The following SGCZ variants were observed in gnomAD, a reference collection of about 807,000 sequenced individuals.
The protein encoded by SGCZ is zeta-sarcoglycan.
A neutral mutation model predicts 41.3 loss-of-function variants in SGCZ; 40 were observed. The ratio of observed to expected loss-of-function variants is 0.97; its 90% CI spans 0.75 to 1.26. The LOEUF (loss-of-function observed/expected upper bound fraction) is 1.26. SGCZ is among the 50% of genes most tolerant of loss of function. The pLI is 0.00. For missense variants in SGCZ, 552 were observed against 369.8 expected, an observed-to-expected ratio of 1.49 and a Z score of -4.04; for synonymous variants, 206 against 137.5, an observed-to-expected ratio of 1.50 and a Z score of -3.49.
chr8:15,198,363 T>G (rs1052525013), intron 1 of SGCZ, among the ~76,000 whole-genome samples: 1 of 152,068 alleles, frequency 6.6e-6, no homozygotes, highest in Non-Finnish European at 1.5e-5. Flanking sequence ...CTCATGATTC[T>G]TTTATATAAT....
chr8:14,310,263 C>T (rs1278861263), intron 3 of SGCZ, among the ~76,000 whole-genome samples: 3 of 151,486 alleles, frequency 2.0e-5, no homozygotes, highest in Non-Finnish European at 4.4e-5. Flanking sequence ...TGTTTTTTTC[C>T]TCATGTAACA....
At chr8:14,323,046 G>T (rs1801980281) in intron 3 of SGCZ, among the ~76,000 whole-genome samples, 1 of 151,950 alleles carries the variant, frequency 6.6e-6, no homozygotes, top group African/African-American at 2.4e-5. Flanking sequence ...AGAAACTAAA[G>T]GAGTACCAAA....
intron 3 of SGCZ, among the ~76,000 whole-genome samples, chr8:14,273,570 G>T (rs1311013642): frequency 6.6e-6 from 1 of 152,100 alleles, no homozygotes; most frequent in African/African-American, 2.4e-5. Flanking sequence ...TAAGCAAAAT[G>T]TTTAACTACA....
chr8:15,186,026 A>G (rs1188219386), intron 1 of SGCZ, among the ~76,000 whole-genome samples: 1 of 151,626 alleles, frequency 6.6e-6, no homozygotes, highest in Non-Finnish European at 1.5e-5. Flanking sequence ...AGATGAGACC[A>G]TCCTGGCTAA....
At chr8:14,542,994 T>C (rs1345429482) in intron 2 of SGCZ, among the ~76,000 whole-genome samples, 2 of 152,012 alleles carry the variant, frequency 1.3e-5, no homozygotes, top group East Asian at 1.9e-4. Context: ...AAACCAGTGA[T>C]TGTAAACAAG....
At chr8:15,013,311 A>G (rs986936468) in intron 1 of SGCZ, among the ~76,000 whole-genome samples, 1 of 152,320 alleles carries the variant, frequency 6.6e-6, no homozygotes, top group African/African-American at 2.4e-5. Context: ...CTGAAAATAA[A>G]ATGACCTGGA....
intron 1 of SGCZ, among the ~76,000 whole-genome samples, chr8:15,195,066 T>C (rs937949942): frequency 1.3e-5 from 2 of 152,184 alleles, no homozygotes; most frequent in Admixed American, 1.3e-4. Flanking sequence ...CTATAAATAC[T>C]ACACAGTGAG....
intron 3 of SGCZ, among the ~76,000 whole-genome samples, chr8:14,248,506 T>TTATCTTGGTGGGAATTGG (rs1799182568): frequency 6.6e-6 from 1 of 152,154 alleles, no homozygotes; most frequent in Non-Finnish European, 1.5e-5. Context: ...TGGTTTTCTT[T>TTATCTTGGTGGGAATTGG]TATCTTGGTG....
At chr8:14,735,135 C>G (rs1798988427) in intron 1 of SGCZ, among the ~76,000 whole-genome samples, 1 of 152,116 alleles carries the variant, frequency 6.6e-6, no homozygotes. Context: ...TTGATGCTTT[C>G]TCAGGAGGAA....
intron 2 of SGCZ, among the ~76,000 whole-genome samples, chr8:14,509,238 G>C (rs1300388804): frequency 3.9e-5 from 6 of 152,058 alleles, no homozygotes; most frequent in Non-Finnish European, 7.4e-5. Flanking sequence ...CAATGCTTAA[G>C]ATTGTACAAC....
chr8:15,109,880 C>G lies in SGCZ; in HGVS notation c.39+127705G>C, dbSNP rs1011995232. Among the ~76,000 whole-genome samples, 4 of 152,176 alleles carry G rather than the reference C, an allele frequency of 2.6e-5. No individual in the cohort carries two copies. In the East Asian group the frequency reaches 7.7e-4, roughly 29 times the overall value. On this transcript the variant is annotated intron_variant, in intron 1 of 7. Coordinates refer to ENST00000382080, the MANE Select transcript of SGCZ (RefSeq NM_139167.4). ...TATGCTAAAAAAGCAATAAGGCAAT[C>G]TCTTTATGGGCAATTTTCTTTTATA...
chr8:15,026,612 TA>T (rs1181226600), intron 1 of SGCZ, among the ~76,000 whole-genome samples: 4 of 152,164 alleles, frequency 2.6e-5, no homozygotes, highest in Admixed American at 6.5e-5. Flanking sequence ...TGTGCCATTA[TA>T]AAAGGGACTC....
intron 4 of SGCZ, among the ~76,000 whole-genome samples, chr8:14,227,700 T>C (rs1339769318): frequency 1.3e-5 from 2 of 152,064 alleles, no homozygotes; most frequent in Non-Finnish European, 2.9e-5. Context: ...AAATATATGT[T>C]GTCAGGAGTC....
intron 1 of SGCZ, among the ~76,000 whole-genome samples, chr8:14,804,064 C>T (rs567656179): frequency 3.4e-5 from 4 of 117,858 alleles, no homozygotes; most frequent in East Asian, 5.4e-4. Flanking sequence ...ACATCCACAC[C>T]GAAAACCCAT....
At chr8:14,771,158 G>A (rs956421714) in intron 1 of SGCZ, among the ~76,000 whole-genome samples, 3 of 152,052 alleles carry the variant, frequency 2.0e-5, no homozygotes, top group South Asian at 2.1e-4. Flanking sequence ...GATGGGGACA[G>A]AACTAACTAC....
intron 1 of SGCZ, among the ~76,000 whole-genome samples, chr8:15,146,170 A>T (rs1411703287): frequency 6.6e-6 from 1 of 152,200 alleles, no homozygotes; most frequent in Non-Finnish European, 1.5e-5. Flanking sequence ...TAGTAACTCC[A>T]GGAAAAAGAA....
At chr8:14,278,283 C>T (rs868715240) in intron 3 of SGCZ, among the ~76,000 whole-genome samples, 3 of 152,108 alleles carry the variant, frequency 2.0e-5, no homozygotes, top group Non-Finnish European at 2.9e-5. Flanking sequence ...CCTCTATGAC[C>T]ACGTGCACAT....
intron 2 of SGCZ, among the ~76,000 whole-genome samples, chr8:14,466,897 T>C (rs1337056288): frequency 6.6e-6 from 1 of 151,896 alleles, no homozygotes; most frequent in African/African-American, 2.4e-5. Context: ...TCTGAGCATC[T>C]TGAAGACCAG....
chr8:14,280,990 T>C (rs965900854), intron 3 of SGCZ, among the ~76,000 whole-genome samples: 4 of 151,918 alleles, frequency 2.6e-5, no homozygotes, highest in East Asian at 3.9e-4. Context: ...ATGAGGTTGA[T>C]AGCATTTCAG....
Sources: gnomAD v4.1 joint callset for allele counts (sites outside exome capture counted in the v4.1 genomes callset) on GRCh38, gnomAD v4.1.1 for gene constraint, MANE v1.5 for transcripts, NCBI Gene and HGNC (gene_info 2026-07-23, HGNC 2026-07-21) for gene names.